Variants in PCDHGB3 observed in about 807,000 individuals in gnomAD.
PCDHGB3 encodes the protein protocadherin gamma subfamily B, 3, also known as protocadherin gamma-B3.
In PCDHGB3, 40 loss-of-function variants were observed where a neutral mutation model predicts 59.2. The ratio of observed to expected loss-of-function variants is 0.68; its 90% CI spans 0.52 to 0.88. The LOEUF (loss-of-function observed/expected upper bound fraction) is 0.88, where lower values mean the gene tolerates loss of function less well. Among genes scored for constraint, PCDHGB3 ranks in the 40% least tolerant of loss-of-function variants. The pLI is 0.00. For missense variants in PCDHGB3, 1,309 were observed against 1,187.9 expected, an observed-to-expected ratio of 1.10 and a Z score of -1.50; for synonymous variants, 581 against 503.6, an observed-to-expected ratio of 1.15 and a Z score of -2.06.
At chr5:141,409,434 A>T in intron 1 of PCDHGB3, 2 of 1,613,992 alleles carry the variant, frequency 1.2e-6, no homozygotes, top group Non-Finnish European at 1.7e-6. Context: ...GGAGCCCTGG[A>T]CCGAGAGCAG....
chr5:141,394,178 C>T (rs1180220826), intron 1 of PCDHGB3: 2 of 1,613,812 alleles, frequency 1.2e-6, no homozygotes, highest in South Asian at 2.2e-5. Flanking sequence ...TCCCTCATGC[C>T]TCCTACTCAG....
chr5:141,489,696 C>T lies in PCDHGB3; in HGVS notation c.2416-5111C>T. On this transcript the variant is annotated intron_variant, in intron 1 of 3. Transcript: ENST00000576222. This position sits in a 1 kb window ranked among gnomAD's most constrained non-coding sequence, Gnocchi z 4.5. ...AATCAGCAGCATCTGGGGCACGATT[C>T]CCACTGGACAGTGCCCAGGATCCGG... 6.2e-7 allele frequency: 1 copy of T among 1,614,170 alleles called. No homozygotes were observed. Among genetic ancestry groups the T allele is most frequent in the Non-Finnish European group, 8.5e-7 (1 of 1,180,002 alleles).
intron 1 of PCDHGB3, chr5:141,411,189 T>G (rs1222862554): frequency 6.6e-6 from 1 of 152,208 alleles, no homozygotes; most frequent in Non-Finnish European, 1.5e-5. Context: ...TCTTGGCATC[T>G]AAGAAAACAA....
intron 3 of PCDHGB3, chr5:141,506,958 A>C (rs529190059): frequency 1.6e-3 from 239 of 152,280 alleles, no homozygotes; most frequent in African/African-American, 5.5e-3. Flanking sequence ...GAATCCTCTC[A>C]ATAGCTCTGC....
chr5:141,392,268 A>G (rs2150475407), intron 1 of PCDHGB3: 1 of 152,374 alleles, frequency 6.6e-6, no homozygotes, highest in South Asian at 2.1e-4. Context: ...GACATTTACA[A>G]TAAAGCTTAG....
intron 1 of PCDHGB3, chr5:141,393,977 T>C (rs1014126865): frequency 1.9e-6 from 3 of 1,613,870 alleles, no homozygotes; most frequent in Non-Finnish European, 2.5e-6. Flanking sequence ...ACACACGTGA[T>C]AATTTACCTT....
At chr5:141,404,110 C>G (rs1283800962) in intron 1 of PCDHGB3, 1 of 1,613,336 alleles carries the variant, frequency 6.2e-7, no homozygotes, top group South Asian at 1.1e-5. Context: ...TCTGTTCTAT[C>G]CAGGAGAATC....
intron 1 of PCDHGB3, chr5:141,419,557 G>T: frequency 2.5e-6 from 4 of 1,611,872 alleles, no homozygotes; most frequent in Middle Eastern, 1.7e-4. Context: ...TGTACCCTGC[G>T]CTGGGTCCCG....
rs767425379 is a variant in PCDHGB3, at chr5:141,403,635, T to C, written c.2415+30826T>C. 1.1e-5 allele frequency: 18 copies of C among 1,613,902 alleles called. No individual in the cohort carries two copies. The South Asian group carries it at 1.8e-4, about 16-fold the overall frequency. On this transcript the variant is annotated intron_variant, in intron 1 of 3. Transcript: ENST00000576222. ...CCGCGTCGCTCCAGCACAGTGCGCA[T>C]CCATGTGACAGTGTTGGATACAAAT... is the stretch of plus-strand genomic sequence containing the variant.
rs769514553 is a variant in PCDHGB3, at chr5:141,490,072, G to T, written c.2416-4735G>T. On this transcript the variant is annotated intron_variant, in intron 1 of 3. Transcript: ENST00000576222. The surrounding 1 kb of genome is among the most constrained non-coding windows in gnomAD (Gnocchi z 5.4). Reference sequence around the variant, plus strand: ...AGACGAGGGCACCAACGGCCAACTAGACTATTCTTTTGGAGACCACACATC... The same window carrying T: ...AGACGAGGGCACCAACGGCCAACTATACTATTCTTTTGGAGACCACACATC... 2 of 1,614,254 alleles carry T rather than the reference G, an allele frequency of 1.2e-6. No homozygotes were observed. Among genetic ancestry groups the T allele is most frequent in the South Asian group, 2.2e-5 (2 of 91,090 alleles).
Position 141,372,331 on chromosome 5 carries a change from T to G in PCDHGB3, c.1937T>G (p.Val646Gly), listed in dbSNP as rs1385749044. The change falls in exon 1 of 4, where the codon GTG becomes GGG. Residue 646 changes from valine (V) to glycine (G), a missense_variant. Transcript: ENST00000576222. ...GCCCGCCAGCGCCTGCTGGTCACTG[T>G]GCGTGATGGAGGACAGCAGCCTCTT... ...EAARQRLLVT[V>G]RDGGQQPLSA... The G allele has an allele frequency of 1.2e-6, 2 of 1,613,644 alleles. No homozygotes were observed. The highest frequency in any genetic ancestry group is 1.3e-5 in the African/African-American group (1 of 74,958).
intron 1 of PCDHGB3, chr5:141,409,633 TG>T: frequency 6.2e-7 from 1 of 1,613,852 alleles, no homozygotes; most frequent in Non-Finnish European, 8.5e-7. Context: ...TGAGCGCCTC[TG>T]ACCCGGATTT....
At chr5:141,414,629 G>T in intron 1 of PCDHGB3, 1 of 1,614,000 alleles carries the variant, frequency 6.2e-7, no homozygotes. Context: ...GACCCGGACA[G>T]CAAAGAGAAT....
At chr5:141,509,805 G>A (rs150684746) in intron 3 of PCDHGB3, among the ~76,000 whole-genome samples, 2 of 152,248 alleles carry the variant, frequency 1.3e-5, no homozygotes, top group Middle Eastern at 3.4e-3. Flanking sequence ...GCTTCATAGA[G>A]CCGAGCTCTT....
chr5:141,370,617 T>C lies in PCDHGB3; in HGVS notation c.223T>C (p.Phe75Leu), dbSNP rs1767063471. 3 of 1,613,958 alleles carry C rather than the reference T, an allele frequency of 1.9e-6. No individual in the cohort carries two copies. The South Asian group carries it at 3.3e-5, about 18-fold the overall frequency. Reference protein sequence around the residue: ...NLRVIAEKKFFTVSPENGNLL... With the variant: ...NLRVIAEKKFLTVSPENGNLL... ...GCGGGTTATTGCAGAGAAGAAATTCTTTACCGTGAGCCCCGAAAATGGGAA... is the reference window on the plus strand; with the variant it reads ...GCGGGTTATTGCAGAGAAGAAATTCCTTACCGTGAGCCCCGAAAATGGGAA... The change falls in exon 1 of 4, where the codon TTT becomes CTT. Residue 75 changes from phenylalanine to leucine, a missense_variant. Coordinates refer to ENST00000576222, the MANE Select transcript of PCDHGB3 (RefSeq NM_018924.5).
At chr5:141,372,931 A>T in intron 1 of PCDHGB3, 122 bp downstream of exon 1, 1 of 890,318 alleles carries the variant, frequency 1.1e-6, no homozygotes, top group Non-Finnish European at 1.6e-6. Flanking sequence ...TTTCTGGTGT[A>T]GAGTAGGGTG....
Position 141,405,226 on chromosome 5 carries a change from C to A in PCDHGB3, c.2415+32417C>A, listed in dbSNP as rs756970325. ...TACAGACCTATTCTCAGGAGTTCTCCCTCACCGCTGACTCAAGGAAGAGTC... is the reference window on the plus strand; with the variant it reads ...TACAGACCTATTCTCAGGAGTTCTCACTCACCGCTGACTCAAGGAAGAGTC... On this transcript the variant is annotated intron_variant, in intron 1 of 3. Coordinates refer to ENST00000576222, the MANE Select transcript of PCDHGB3 (RefSeq NM_018924.5). 3.1e-6 allele frequency: 5 copies of A among 1,614,052 alleles called. No individual in the cohort carries two copies. The East Asian group carries it at 1.1e-4, about 36-fold the overall frequency.
chr5:141,404,796 G>T, intron 1 of PCDHGB3: 1 of 1,613,970 alleles, frequency 6.2e-7, no homozygotes, highest in Non-Finnish European at 8.5e-7. Flanking sequence ...AGTGAGCCAG[G>T]GCTCTTCTCG....
Position 141,486,986 on chromosome 5 carries a change from T to C in PCDHGB3, c.2416-7821T>C. Reference sequence around the variant, plus strand: ...GGACTTGGATTCAGGTTACAATGCTTGGGTTTCCTATCAGCTCCTGGAGGC... The same window carrying C: ...GGACTTGGATTCAGGTTACAATGCTCGGGTTTCCTATCAGCTCCTGGAGGC... On this transcript the variant is annotated intron_variant, in intron 1 of 3. Coordinates refer to ENST00000576222, the MANE Select transcript of PCDHGB3 (RefSeq NM_018924.5). The surrounding 1 kb of genome is among the most constrained non-coding windows in gnomAD (Gnocchi z 5.0). 6.2e-7 allele frequency: 1 copy of C among 1,614,214 alleles called. No homozygotes were observed. Among genetic ancestry groups the C allele is most frequent in the South Asian group, 1.1e-5 (1 of 91,088 alleles).
Sources: allele counts gnomAD v4.1 joint callset (sites outside exome capture counted in the v4.1 genomes callset), GRCh38; gene constraint gnomAD v4.1.1; non-coding constraint Gnocchi (gnomAD v3.1); transcripts MANE v1.5; gene names NCBI Gene and HGNC (gene_info 2026-07-23, HGNC 2026-07-21).